The following NRG3 variants were observed in gnomAD, a reference collection of about 807,000 sequenced individuals.
NRG3 encodes the protein neuregulin 3.
A neutral mutation model predicts 66.9 loss-of-function variants in NRG3; 31 were observed. The observed-to-expected ratio is 0.46, with a 90% CI of 0.35 to 0.63. NRG3 has a LOEUF of 0.63. Ranked by LOEUF, NRG3 falls within the 20% of genes least tolerant of loss-of-function variation. The probability of loss-of-function intolerance (pLI) is 0.00; values close to 1 mark genes in which losing one functional copy is unlikely to be tolerated. For synonymous variants in NRG3, 393 were observed against 359.4 expected (o/e 1.09, Z -1.06); for missense variants, 910 against 878.9 (o/e 1.04, Z -0.45).
chr10:81,928,361 G>A (rs1306357768), intron 1 of NRG3, among the ~76,000 whole-genome samples: 3 of 152,152 alleles, frequency 2.0e-5, no homozygotes, highest in Non-Finnish European at 4.4e-5. Context: ...TTCTCAGGTA[G>A]TGCGGAGTTT....
intron 2 of NRG3, among the ~76,000 whole-genome samples, chr10:82,598,212 A>G (rs560320361): frequency 6.6e-6 from 1 of 152,232 alleles, no homozygotes; most frequent in Non-Finnish European, 1.5e-5. Context: ...TATAATAGCT[A>G]GCAGACGCTT....
intron 4 of NRG3, among the ~76,000 whole-genome samples, chr10:82,939,157 A>T (rs1231011459): frequency 2.0e-5 from 3 of 152,168 alleles, no homozygotes; most frequent in African/African-American, 7.2e-5. Flanking sequence ...GTCTTATAAC[A>T]TTCACTTATC....
intron 1 of NRG3, among the ~76,000 whole-genome samples, chr10:82,304,518 A>G (rs2134838304): frequency 6.6e-6 from 1 of 151,850 alleles, no homozygotes; most frequent in Admixed American, 6.5e-5. Flanking sequence ...TTTCTTCTTT[A>G]TTTTTCCTTT....
At chr10:82,536,365 C>A (rs564609421) in intron 2 of NRG3, among the ~76,000 whole-genome samples, 1 of 152,318 alleles carries the variant, frequency 6.6e-6, no homozygotes, top group Admixed American at 6.5e-5. Context: ...ATGGCTCAAA[C>A]TAGTGCTCTC....
intron 1 of NRG3, among the ~76,000 whole-genome samples, chr10:82,125,295 G>T (rs1189267748): frequency 5.9e-5 from 9 of 151,908 alleles, no homozygotes; most frequent in Admixed American, 5.9e-4. Context: ...GTAGTTTCCT[G>T]AGGTAGACTT....
At chr10:82,408,561 C>T (rs1564889000) in intron 2 of NRG3, among the ~76,000 whole-genome samples, 1 of 151,096 alleles carries the variant, frequency 6.6e-6, no homozygotes, top group Admixed American at 6.6e-5. Context: ...TACTCCAATT[C>T]TTGATGAACG....
At chr10:82,102,294 T>C (rs1412068327) in intron 1 of NRG3, among the ~76,000 whole-genome samples, 2 of 150,340 alleles carry the variant, frequency 1.3e-5, no homozygotes, top group Admixed American at 6.6e-5. Context: ...CATCATTCTT[T>C]GGTGTTTATA....
chr10:82,502,039 G>C (rs543832552), intron 2 of NRG3, among the ~76,000 whole-genome samples: 2 of 152,182 alleles, frequency 1.3e-5, no homozygotes, highest in Non-Finnish European at 2.9e-5. Flanking sequence ...AAGAGATCCA[G>C]TGTCTTAAGT....
intron 2 of NRG3, among the ~76,000 whole-genome samples, chr10:82,552,808 T>C (rs149437406): frequency 6.1e-4 from 93 of 152,204 alleles, no homozygotes; most frequent in Middle Eastern, 3.4e-3. Flanking sequence ...CTTAGAGAAG[T>C]TAAGTGATGG....
chr10:82,528,612 C>T (rs780827308), intron 2 of NRG3, among the ~76,000 whole-genome samples: 35 of 152,088 alleles, frequency 2.3e-4, no homozygotes, highest in Non-Finnish European at 4.3e-4. Context: ...TCTGCTGTCT[C>T]GGAGACAGAG....
intron 3 of NRG3, among the ~76,000 whole-genome samples, chr10:82,781,017 T>C (rs143227522): frequency 1.3e-5 from 2 of 152,334 alleles, no homozygotes; most frequent in Non-Finnish European, 2.9e-5. Context: ...CTGCCTGAGC[T>C]GCTTTTTCGT....
chr10:82,889,545 A>AC (rs1316638105), intron 4 of NRG3, among the ~76,000 whole-genome samples: 2 of 152,238 alleles, frequency 1.3e-5, no homozygotes, highest in Non-Finnish European at 2.9e-5. Context: ...CTCAGTTTAC[A>AC]TAGATAGATC....
intron 2 of NRG3, among the ~76,000 whole-genome samples, chr10:82,716,752 G>A (rs527850255): frequency 2.2e-4 from 33 of 152,198 alleles, no homozygotes; most frequent in African/African-American, 6.7e-4. Context: ...ATCATAGGAA[G>A]CAAATTAAGG....
At chr10:82,112,059 A>G (rs1564573241) in intron 1 of NRG3, among the ~76,000 whole-genome samples, 1 of 152,180 alleles carries the variant, frequency 6.6e-6, no homozygotes, top group East Asian at 1.9e-4. Context: ...CCTGGGCAAT[A>G]TAACAAGACC....
intron 3 of NRG3, among the ~76,000 whole-genome samples, chr10:82,783,299 G>A (rs1399783743): frequency 2.0e-5 from 3 of 150,832 alleles, no homozygotes; most frequent in Middle Eastern, 3.2e-3. Flanking sequence ...ACTGGCACAA[G>A]ACAGGGATGC....
chr10:81,897,179 C>T (rs1160064030), intron 1 of NRG3, among the ~76,000 whole-genome samples: 1 of 151,954 alleles, frequency 6.6e-6, no homozygotes, highest in Non-Finnish European at 1.5e-5. Context: ...CGTGCCTGAG[C>T]ATAATAAACA....
intron 2 of NRG3, among the ~76,000 whole-genome samples, chr10:82,461,699 A>C (rs2091522639): frequency 6.6e-6 from 1 of 151,804 alleles, no homozygotes; most frequent in Non-Finnish European, 1.5e-5. Context: ...TATTTTGGCA[A>C]CACCTGGCAC....
Position 82,188,735 on chromosome 10 carries a change from CATTAAAA to C in NRG3, c.824-170003_824-169997del, listed in dbSNP as rs1327513222. 2.0e-5 allele frequency among the ~76,000 whole-genome samples: 3 copies of C among 152,082 alleles called. No homozygotes were observed. The East Asian group carries it at 5.8e-4, about 29-fold the overall frequency. ...CATCATTGATCATCAAAGAAGTGCA[CATTAAAA>C]CTACAATGAGATAGAAGGTGGTGTA... On this transcript the variant is annotated intron_variant, in intron 1 of 8. Coordinates refer to ENST00000372141, the MANE Select transcript of NRG3 (RefSeq NM_001010848.4).
At chr10:82,174,153 A>G (rs998409296) in intron 1 of NRG3, among the ~76,000 whole-genome samples, 21 of 152,112 alleles carry the variant, frequency 1.4e-4, no homozygotes, top group African/African-American at 5.1e-4. Flanking sequence ...AAAAAATAAC[A>G]TAGAGTTCAT....
Sources: gnomAD v4.1 joint callset for allele counts (sites outside exome capture counted in the v4.1 genomes callset) on GRCh38, gnomAD v4.1.1 for gene constraint, MANE v1.5 for transcripts, NCBI Gene and HGNC (gene_info 2026-07-23, HGNC 2026-07-21) for gene names.